Variants in DTNBP1 observed in about 807,000 individuals in gnomAD.
The protein encoded by DTNBP1 is dysbindin.
DTNBP1 carries 35 observed loss-of-function variants against 42.8 expected under a neutral mutation model. That is an observed-to-expected ratio of 0.82 (90% confidence interval 0.63 to 1.09). The LOEUF (loss-of-function observed/expected upper bound fraction) is 1.09, where lower values mean the gene tolerates loss of function less well. Among genes scored for constraint, DTNBP1 ranks in the 50% least tolerant of loss-of-function variants. The pLI, the probability that DTNBP1 is intolerant of heterozygous loss-of-function variation, is 0.00. For synonymous variants in DTNBP1, 171 were observed against 162.2 expected, an observed-to-expected ratio of 1.05 and a Z score of -0.41; for missense variants, 457 against 424.2, an observed-to-expected ratio of 1.08 and a Z score of -0.68.
chr6:15,620,024 C>T (rs547281753), intron 5 of DTNBP1, among the ~76,000 whole-genome samples: 38 of 151,308 alleles, frequency 2.5e-4, no homozygotes, highest in Admixed American at 5.9e-4. Context: ...TGAATTTGGT[C>T]GGGGGGGAAT....
intron 7 of DTNBP1, among the ~76,000 whole-genome samples, chr6:15,550,828 A>G: frequency 6.6e-6 from 1 of 152,164 alleles, no homozygotes; most frequent in East Asian, 1.9e-4. Context: ...GCCCACAGGG[A>G]TGACGGAAGA....
At position 15,615,475 on chromosome 6, in the gene DTNBP1, G is replaced by A. The variant is rs897418257; in HGVS notation, c.356-76C>T. On this transcript the variant is annotated intron_variant, in intron 5 of 9. Transcript: ENST00000344537. ...TGATGAATACAAAAAGTATCAAAAA[G>A]GTAAAAGTTCACATTGTTGAGATTG... is the stretch of plus-strand genomic sequence containing the variant. The A allele has an allele frequency of 8.9e-6, 14 of 1,573,362 alleles. No homozygotes were observed. In the Admixed American group the frequency reaches 2.4e-4, roughly 26 times the overall value.
chr6:15,609,144 G>A (rs575905541), intron 6 of DTNBP1, among the ~76,000 whole-genome samples: 2 of 150,150 alleles, frequency 1.3e-5, no homozygotes, highest in African/African-American at 4.9e-5. Context: ...TGCTTCAGGT[G>A]AAATTTTCTA....
chr6:15,617,630 T>C (rs929711362), intron 5 of DTNBP1, among the ~76,000 whole-genome samples: 1 of 151,584 alleles, frequency 6.6e-6, no homozygotes, highest in African/African-American at 2.4e-5. Context: ...GGGAAATACA[T>C]GGTCTCATCA....
intron 7 of DTNBP1, among the ~76,000 whole-genome samples, chr6:15,591,009 A>C (rs533988974): frequency 6.6e-6 from 1 of 152,340 alleles, no homozygotes; most frequent in African/African-American, 2.4e-5. Context: ...TTCAAAAAAT[A>C]ATAAATTGCC....
chr6:15,591,569 C>T (rs1489262729), intron 7 of DTNBP1, among the ~76,000 whole-genome samples: 1 of 152,118 alleles, frequency 6.6e-6, no homozygotes, highest in Non-Finnish European at 1.5e-5. Context: ...GTTAATTGTA[C>T]ATAATTAGGA....
chr6:15,605,562 T>C (rs1757999150), intron 6 of DTNBP1, among the ~76,000 whole-genome samples: 1 of 152,088 alleles, frequency 6.6e-6, no homozygotes, highest in African/African-American at 2.4e-5. Context: ...AAATTATTCT[T>C]TTTTTCTTTA....
chr6:15,593,181 C>A, intron 6 of DTNBP1, 100 bp from the exon 7 acceptor site: 1 of 1,082,560 alleles, frequency 9.2e-7, no homozygotes, highest in Non-Finnish European at 1.3e-6. Flanking sequence ...ACTTTAAATG[C>A]CCACAGTGGT....
At chr6:15,559,409 CACA>C (rs1175601939) in intron 7 of DTNBP1, among the ~76,000 whole-genome samples, 5 of 152,148 alleles carry the variant, frequency 3.3e-5, no homozygotes, top group Admixed American at 1.3e-4. Context: ...TTTTATCCTA[CACA>C]ACAACAACAA....
chr6:15,585,038 C>T (rs1227686922), intron 7 of DTNBP1, among the ~76,000 whole-genome samples: 2 of 138,184 alleles, frequency 1.4e-5, no homozygotes, highest in African/African-American at 2.7e-5. Context: ...AAGGAATACA[C>T]TGAAGTTATA....
At chr6:15,658,980 A>G (rs1761436111) in intron 1 of DTNBP1, among the ~76,000 whole-genome samples, 1 of 152,234 alleles carries the variant, frequency 6.6e-6, no homozygotes, top group Non-Finnish European at 1.5e-5. Context: ...CAAGGTTGAC[A>G]TAATTGTTAC....
chr6:15,595,766 C>T (rs566182329), intron 6 of DTNBP1, among the ~76,000 whole-genome samples: 8 of 152,232 alleles, frequency 5.3e-5, no homozygotes, highest in South Asian at 4.2e-4. Context: ...CCAAAGACGA[C>T]GCAGGTTATA....
intron 7 of DTNBP1, among the ~76,000 whole-genome samples, chr6:15,590,379 CT>C (rs1027759668): frequency 1.3e-5 from 2 of 152,184 alleles, no homozygotes; most frequent in Non-Finnish European, 2.9e-5. Flanking sequence ...GGATAACCAC[CT>C]TTCCTCCTTT....
intron 3 of DTNBP1, among the ~76,000 whole-genome samples, chr6:15,638,677 A>G (rs1760164977): frequency 6.6e-6 from 1 of 152,210 alleles, no homozygotes; most frequent in African/African-American, 2.4e-5. Context: ...GTCAACAGTA[A>G]TGAGACACAT....
upstream of DTNBP1, chr6:15,663,044 C>G: frequency 1.2e-6 from 1 of 820,530 alleles, no homozygotes; most frequent in Non-Finnish European, 1.7e-6. Flanking sequence ...CTTCCGCGTT[C>G]CCGCCCCGCG....
rs747350681 is a variant in DTNBP1, at chr6:15,595,242, T to C, written c.489-2161A>G. On this transcript the variant is annotated intron_variant, in intron 6 of 9. Transcript: ENST00000344537. ...ATTGGTTTAAAGAAAAAAATCAGTA[T>C]TATGCAACTTTTTTTTTTTTTTTTT... 28 of 423,944 alleles carry C rather than the reference T, an allele frequency of 6.6e-5. No homozygotes were observed. The Admixed American group carries it at 6.6e-4, about 10-fold the overall frequency. The allele number at this position is 423,944 out of a possible 1,614,324, so 26.3% of individuals were successfully genotyped here. A position where few individuals can be genotyped will look rare whatever the true frequency, so the allele number is the denominator to read the frequency against.
At chr6:15,563,130 G>A (rs2113484058) in intron 7 of DTNBP1, among the ~76,000 whole-genome samples, 1 of 152,252 alleles carries the variant, frequency 6.6e-6, no homozygotes, top group Non-Finnish European at 1.5e-5. Context: ...CCCTCTAGCT[G>A]GAATCTCTTC....
At chr6:15,638,348 G>A (rs560553849) in intron 3 of DTNBP1, among the ~76,000 whole-genome samples, 5 of 151,936 alleles carry the variant, frequency 3.3e-5, no homozygotes, top group East Asian at 3.9e-4. Flanking sequence ...GGCTGGTCTC[G>A]AACTCCTGAT....
At chr6:15,610,662 C>T (rs781677934) in intron 6 of DTNBP1, among the ~76,000 whole-genome samples, 9 of 152,112 alleles carry the variant, frequency 5.9e-5, no homozygotes, top group East Asian at 5.8e-4. Flanking sequence ...AACACATGAA[C>T]GATAAGAAAA....
Sources: gnomAD v4.1 joint callset for allele counts (sites outside exome capture counted in the v4.1 genomes callset) on GRCh38, gnomAD v4.1.1 for gene constraint, MANE v1.5 for transcripts, NCBI Gene and HGNC (gene_info 2026-07-23, HGNC 2026-07-21) for gene names.